CHRDL2: variants seen among roughly 807,000 people sequenced by gnomAD.
CHRDL2 encodes chordin like 2, also known as chordin-like protein 2.
In CHRDL2, 41 loss-of-function variants were observed where a neutral mutation model predicts 54.3. The observed-to-expected ratio is 0.76, with a 90% CI of 0.59 to 0.98. The LOEUF is 0.98. CHRDL2 is among the 50% of genes least tolerant of loss of function. The probability of loss-of-function intolerance (pLI) is 0.00; values close to 1 mark genes in which losing one functional copy is unlikely to be tolerated. For missense variants in CHRDL2, 518 were observed against 562.4 expected, an observed-to-expected ratio of 0.92 and a Z score of 0.80; for synonymous variants, 220 against 224.3, an observed-to-expected ratio of 0.98 and a Z score of 0.17.
intron 3 of CHRDL2, among the ~76,000 whole-genome samples, chr11:74,711,495 C>T (rs2135257154): frequency 6.6e-6 from 1 of 152,292 alleles, no homozygotes; most frequent in South Asian, 2.1e-4. Flanking sequence ...CCCCAGAGCC[C>T]CCCTCCCCAT....
chr11:74,703,569 C>T lies in CHRDL2; in HGVS notation c.752-70G>A, dbSNP rs146078923. On this transcript the variant is annotated intron_variant, in intron 7 of 10. Coordinates refer to ENST00000376332, the MANE Select transcript of CHRDL2 (RefSeq NM_001278473.3). ...CTGGCCAGGGCCTCTGGTCCAGCAG[C>T]GGGTGGGGTGGGCCCTTGGGGAGCC... 835 of 1,381,750 alleles carry T rather than the reference C, an allele frequency of 6.0e-4. 1 individual carries two copies. The African/African-American group carries it at 0.011, about 18-fold the overall frequency. The allele number at this position is 1,381,750 out of a possible 1,614,324, so 85.6% of individuals were successfully genotyped here. A position where few individuals can be genotyped will look rare whatever the true frequency, so the allele number is the denominator to read the frequency against.
chr11:74,710,790 T>C lies in CHRDL2; in HGVS notation c.432+59A>G, dbSNP rs1377886687. The C allele has an allele frequency of 1.4e-5, 22 of 1,585,544 alleles. No individual in the cohort carries two copies. The Admixed American group carries it at 1.4e-4, about 10-fold the overall frequency. The stretch of plus-strand genomic sequence containing the variant: ...CCCCCCAGTCCGCAGTCCAGGCTAC[T>C]ATGTTCTTTGCAGGCCCAGAGCGCT... On this transcript the variant is annotated intron_variant, in intron 4 of 10. Coordinates refer to ENST00000376332, the MANE Select transcript of CHRDL2 (RefSeq NM_001278473.3).
intron 6 of CHRDL2, among the ~76,000 whole-genome samples, chr11:74,704,871 T>G (rs1460203222): frequency 6.6e-6 from 1 of 152,098 alleles, no homozygotes; most frequent in African/African-American, 2.4e-5. Flanking sequence ...GATAGTGATT[T>G]GGAAATCTGG....
intron 4 of CHRDL2, among the ~76,000 whole-genome samples, chr11:74,709,655 C>T (rs1487646076): frequency 6.6e-6 from 1 of 152,178 alleles, no homozygotes; most frequent in African/African-American, 2.4e-5. Flanking sequence ...AAGACTCAGA[C>T]TGATGGGACC....
chr11:74,718,262 G>C (rs1399778483), intron 2 of CHRDL2, among the ~76,000 whole-genome samples: 1 of 152,188 alleles, frequency 6.6e-6, no homozygotes, highest in African/African-American at 2.4e-5. Flanking sequence ...TCCAGGTGGA[G>C]GTCATTTTCC....
chr11:74,723,698 T>C (rs2034531038), intron 1 of CHRDL2, among the ~76,000 whole-genome samples: 1 of 152,104 alleles, frequency 6.6e-6, no homozygotes, highest in Non-Finnish European at 1.5e-5. Context: ...AGCTACCAAG[T>C]GATTAACGGG....
At chr11:74,712,384 A>C (rs59035937) in intron 3 of CHRDL2, among the ~76,000 whole-genome samples, 3,763 of 152,192 alleles carry the variant, frequency 0.025, 143 homozygotes, top group African/African-American at 0.085. Context: ...GAGGGAGTGA[A>C]GAGTGTTTTA....
At chr11:74,727,641 G>A (rs1328454974) in intron 1 of CHRDL2, among the ~76,000 whole-genome samples, 1 of 152,110 alleles carries the variant, frequency 6.6e-6, no homozygotes, top group Non-Finnish European at 1.5e-5. Context: ...CTGGGCTCAA[G>A]TAATCCATCC....
chr11:74,710,923 G>T lies in CHRDL2; in HGVS notation c.358C>A (p.His120Asn), dbSNP rs769753090. ...TCATGGGCACTGAAGATCTCTCCGT[G>T]TTGGTACATGGTCCCGTTGTGCTGG... ...SCQHNGTMYQ[H>N]GEIFSAHELF... The change falls in exon 4 of 11, where the codon CAC becomes AAC. Residue 120 changes from histidine to asparagine, a missense_variant. By Grantham distance (68) the His-to-Asn change is moderately conservative. Coordinates refer to ENST00000376332, the MANE Select transcript of CHRDL2 (RefSeq NM_001278473.3). The T allele has an allele frequency of 3.1e-6, 5 of 1,614,154 alleles. No individual in the cohort carries two copies. The highest frequency in any genetic ancestry group is 4.2e-6 in the Non-Finnish European group (5 of 1,180,012).
At chr11:74,713,587 T>C (rs2034264937) in intron 2 of CHRDL2, 108 bp from the exon 3 acceptor site, 1 of 816,384 alleles carries the variant, frequency 1.2e-6, no homozygotes, top group Non-Finnish European at 2.0e-6. Context: ...GAACTTGTCG[T>C]AAGCCTGTGA....
intron 3 of CHRDL2, among the ~76,000 whole-genome samples, chr11:74,712,411 G>A (rs1378748438): frequency 2.0e-5 from 3 of 152,160 alleles, no homozygotes; most frequent in African/African-American, 7.2e-5. Context: ...AGAGGCCTGG[G>A]CCAAGCACAG....
rs1489720906 is a variant in CHRDL2 at position 74,731,383 on chromosome 11, G to A, written c.-495C>T. The A allele has an allele frequency of 6.7e-6, 1 of 149,646 alleles. No individual in the cohort carries two copies. The highest frequency in any genetic ancestry group is 1.5e-5 in the Non-Finnish European group (1 of 66,942). 9.3% of individuals were successfully genotyped at this position (149,646 alleles called of 1,614,324 possible). On this transcript the variant is annotated 5_prime_UTR_variant, in exon 1 of 11. Coordinates refer to ENST00000376332, the MANE Select transcript of CHRDL2 (RefSeq NM_001278473.3). The surrounding 1 kb of genome is among the most constrained non-coding windows in gnomAD (Gnocchi z 4.4). ...GTCCCAGCAGCGGCGGCGGCGCGGCGGCCGCGGAGGGAGGCTGAGCGCGGG... is the reference window on the plus strand; with the variant it reads ...GTCCCAGCAGCGGCGGCGGCGCGGCAGCCGCGGAGGGAGGCTGAGCGCGGG...
At chr11:74,708,217 A>T in intron 5 of CHRDL2, 85 bp downstream of exon 5, 1 of 920,114 alleles carries the variant, frequency 1.1e-6, no homozygotes, top group Non-Finnish European at 1.5e-6. Context: ...TGTCACCTGC[A>T]GTTCCTCACG....
chr11:74,697,808 G>A (rs1156778607), intron 9 of CHRDL2: 1 of 294,744 alleles, frequency 3.4e-6, no homozygotes, highest in Non-Finnish European at 6.7e-6. Flanking sequence ...AGGAAAGGAG[G>A]GCAGGAAGGG....
chr11:74,720,165 T>C (rs1014061089), intron 1 of CHRDL2: 4 of 152,470 alleles, frequency 2.6e-5, no homozygotes, highest in African/African-American at 9.6e-5. Context: ...ATTAACATTA[T>C]TGTTTTGACC....
At chr11:74,703,678 C>T (rs1479792741) in intron 7 of CHRDL2, among the ~76,000 whole-genome samples, 179 bp from the exon 8 acceptor site, 1 of 152,242 alleles carries the variant, frequency 6.6e-6, no homozygotes, top group Non-Finnish European at 1.5e-5. Context: ...CTGACACTGC[C>T]CACTGCAGCA....
intron 2 of CHRDL2, among the ~76,000 whole-genome samples, chr11:74,714,854 C>G (rs2034300567): frequency 6.6e-6 from 1 of 152,158 alleles, no homozygotes; most frequent in Admixed American, 6.5e-5. Context: ...AAGCAGGAAA[C>G]AGGATGGAGA....
intron 9 of CHRDL2, chr11:74,701,684 C>T (rs779208412): frequency 3.7e-5 from 26 of 694,634 alleles, no homozygotes; most frequent in East Asian, 1.1e-4. Context: ...CTCTCAGGAT[C>T]GTTGAGGATC....
At chr11:74,703,025 G>C in intron 8 of CHRDL2, 58 bp from the exon 9 acceptor site, 3 of 1,474,586 alleles carry the variant, frequency 2.0e-6, no homozygotes, top group East Asian at 2.3e-5. Context: ...CCTCTTCAAA[G>C]CTCTAATATT....
Sources: gnomAD v4.1 joint callset for allele counts (sites outside exome capture counted in the v4.1 genomes callset) on GRCh38, gnomAD v4.1.1 for gene constraint, Gnocchi (gnomAD v3.1) non-coding constraint, MANE v1.5 for transcripts, NCBI Gene and HGNC (gene_info 2026-07-23, HGNC 2026-07-21) for gene names.